PTPRT: variants seen among roughly 807,000 people sequenced by gnomAD.
PTPRT encodes the protein receptor-type tyrosine-protein phosphatase T.
In PTPRT, 56 loss-of-function variants were observed where a neutral mutation model predicts 176.8. That is an observed-to-expected ratio of 0.32 (90% CI 0.26 to 0.40). The LOEUF (loss-of-function observed/expected upper bound fraction) is 0.40, where lower values mean the gene tolerates loss of function less well. Ranked by LOEUF, PTPRT falls within the 10% of genes least tolerant of loss-of-function variation. The pLI, the probability that PTPRT is intolerant of heterozygous loss-of-function variation, is 1.00. For missense variants in PTPRT, 1,540 were observed against 1,908.2 expected (o/e 0.81, Z 3.60); for synonymous variants, 783 against 739.0 (o/e 1.06, Z -0.96).
chr20:42,060,291 A>T, the PTPRT span, among the ~76,000 whole-genome samples: 1 of 152,210 alleles, frequency 6.6e-6, no homozygotes, highest in Admixed American at 6.5e-5. Flanking sequence ...CTGAAAGGCA[A>T]GAGCTTAAAC....
At chr20:43,093,248 A>AC (rs1273448239) in intron 1 of PTPRT, among the ~76,000 whole-genome samples, 3 of 152,098 alleles carry the variant, frequency 2.0e-5, no homozygotes, top group African/African-American at 7.2e-5. Flanking sequence ...TACCTTTTCC[A>AC]CCCCATAAAA....
intron 13 of PTPRT, among the ~76,000 whole-genome samples, chr20:42,271,596 G>C (rs1317845344): frequency 6.6e-6 from 1 of 152,206 alleles, no homozygotes; most frequent in Non-Finnish European, 1.5e-5. Flanking sequence ...GTGAATATTT[G>C]TTGAATAAAT....
intron 12 of PTPRT, among the ~76,000 whole-genome samples, chr20:42,313,386 G>A (rs549956567): frequency 2.6e-5 from 4 of 151,940 alleles, no homozygotes; most frequent in East Asian, 1.9e-4. Context: ...TTTCTCACAC[G>A]AGATCCAAGA....
intron 1 of PTPRT, among the ~76,000 whole-genome samples, chr20:43,111,633 G>C (rs1218249538): frequency 6.6e-6 from 1 of 151,550 alleles, no homozygotes; most frequent in Non-Finnish European, 1.5e-5. Flanking sequence ...TGGGTTCTAG[G>C]TTCTGTTTTA....
chr20:42,933,686 G>A (rs1980005671), intron 1 of PTPRT, among the ~76,000 whole-genome samples: 1 of 152,098 alleles, frequency 6.6e-6, no homozygotes, highest in Admixed American at 6.6e-5. Flanking sequence ...ACCAGCTCAT[G>A]CCACCAACCG....
intron 12 of PTPRT, among the ~76,000 whole-genome samples, chr20:42,284,039 T>C (rs779730980): frequency 6.6e-6 from 1 of 152,120 alleles, no homozygotes; most frequent in Non-Finnish European, 1.5e-5. Flanking sequence ...CTCGGGCTCA[T>C]AAACATTCTT....
chr20:42,657,619 T>C (rs968124402), intron 7 of PTPRT, among the ~76,000 whole-genome samples: 3 of 152,200 alleles, frequency 2.0e-5, no homozygotes, highest in Admixed American at 2.0e-4. Flanking sequence ...TTATAGCTCA[T>C]GCTTCCTTGT....
chr20:42,117,210 C>T (rs1454603559), intron 21 of PTPRT, among the ~76,000 whole-genome samples: 3 of 152,192 alleles, frequency 2.0e-5, no homozygotes, highest in East Asian at 3.9e-4. Flanking sequence ...GTCCATACCC[C>T]TTTATTGGAT....
chr20:42,196,027 C>T (rs1323202215), intron 16 of PTPRT, among the ~76,000 whole-genome samples: 8 of 152,062 alleles, frequency 5.3e-5, no homozygotes, highest in Admixed American at 2.0e-4. Context: ...TCAGTATTAC[C>T]CAGGTTTGCA....
the PTPRT span, among the ~76,000 whole-genome samples, chr20:42,041,450 G>A: frequency 6.6e-6 from 1 of 152,176 alleles, no homozygotes; most frequent in Non-Finnish European, 1.5e-5. Flanking sequence ...AAACTCCTCA[G>A]TTCTTGGGTT....
Position 42,084,705 on chromosome 20 carries a change from C to G in PTPRT, c.4113G>C (p.Glu1371Asp), listed in dbSNP as rs1983694884. ...ACAGGCAGTGGACCACAGTACGTCC[C>G]TCCCTCCCGTCATACTGCTCCTGCC... ...EKWQEQYDGR[E>D]GRTVVHCLNG... The change falls in exon 29 of 31, where the codon GAG becomes GAC. Residue 1371 changes from glutamate (E) to aspartate (D), a missense_variant. By Grantham distance (45) the Glu-to-Asp change is conservative. Coordinates refer to ENST00000373187, the MANE Select transcript of PTPRT (RefSeq NM_007050.6). The G allele has an allele frequency of 1.3e-6, 2 of 1,549,074 alleles. No homozygotes were observed. The highest frequency in any genetic ancestry group is 1.8e-6 in the Non-Finnish European group (2 of 1,142,724).
intron 13 of PTPRT, among the ~76,000 whole-genome samples, chr20:42,268,414 C>A (rs898709880): frequency 1.3e-5 from 2 of 152,066 alleles, no homozygotes; most frequent in African/African-American, 2.4e-5. Context: ...AGAACAATGG[C>A]CCAGCAGAAA....
chr20:42,350,986 G>T (rs1295274267), intron 10 of PTPRT, among the ~76,000 whole-genome samples: 1 of 152,138 alleles, frequency 6.6e-6, no homozygotes, highest in African/African-American at 2.4e-5. Flanking sequence ...GAACCAAAAC[G>T]TTCCACACCT....
At chr20:42,886,525 A>G (rs1051671650) in intron 1 of PTPRT, among the ~76,000 whole-genome samples, 2 of 152,238 alleles carry the variant, frequency 1.3e-5, no homozygotes, top group Non-Finnish European at 2.9e-5. Flanking sequence ...TCTCTGTAAA[A>G]AGCAGTCTGA....
At chr20:42,239,408 T>C (rs962510485) in intron 14 of PTPRT, among the ~76,000 whole-genome samples, 6 of 146,328 alleles carry the variant, frequency 4.1e-5, no homozygotes, top group African/African-American at 1.5e-4. Flanking sequence ...TAGCTCATTT[T>C]CTTTCTTTTT....
chr20:42,670,017 T>A (rs1283103757), intron 7 of PTPRT, among the ~76,000 whole-genome samples: 1 of 152,088 alleles, frequency 6.6e-6, no homozygotes, highest in Non-Finnish European at 1.5e-5. Flanking sequence ...CAGCTACACG[T>A]CGAGGACTCC....
intron 4 of PTPRT, among the ~76,000 whole-genome samples, chr20:42,776,695 TCATATCATATAATTATATAAG>T (rs1003299238): frequency 2.7e-5 from 4 of 150,322 alleles, no homozygotes; most frequent in Non-Finnish European, 5.9e-5. Flanking sequence ...AATTATATAA[TCATATCATATAATTATATAAG>T]CATATCATAT....
intron 9 of PTPRT, among the ~76,000 whole-genome samples, chr20:42,392,620 C>T (rs2058810601): frequency 6.6e-6 from 1 of 152,172 alleles, no homozygotes; most frequent in African/African-American, 2.4e-5. Context: ...ATCACAGCTG[C>T]TTAGTTCTAC....
chr20:42,930,572 T>G (rs907871425), intron 1 of PTPRT, among the ~76,000 whole-genome samples: 3 of 152,150 alleles, frequency 2.0e-5, no homozygotes, highest in African/African-American at 7.2e-5. Context: ...AACCTTAAAC[T>G]CCTCAGCTCA....
Sources: allele counts gnomAD v4.1 joint callset (sites outside exome capture counted in the v4.1 genomes callset), GRCh38; gene constraint gnomAD v4.1.1; transcripts MANE v1.5; gene names NCBI Gene and HGNC (gene_info 2026-07-23, HGNC 2026-07-21).